The following PDE10A variants were observed in gnomAD, a reference collection of about 807,000 sequenced individuals.
PDE10A encodes the protein cAMP and cAMP-inhibited cGMP 3',5'-cyclic phosphodiesterase 10A.
PDE10A carries 39 observed loss-of-function variants against 97.7 expected under a neutral mutation model. That is an observed-to-expected ratio of 0.40 (90% CI 0.31 to 0.52). The LOEUF is 0.52. Among genes scored for constraint, PDE10A ranks in the 20% least tolerant of loss-of-function variants. PDE10A has a pLI of 0.56. For missense variants in PDE10A, 731 were observed against 1,047.8 expected (o/e 0.70, Z 4.17); for synonymous variants, 371 against 376.8 (o/e 0.98, Z 0.18).
At chr6:165,369,737 G>C (rs1161701237) in intron 18 of PDE10A, among the ~76,000 whole-genome samples, 1 of 142,040 alleles carries the variant, frequency 7.0e-6, no homozygotes, top group Non-Finnish European at 1.5e-5. Flanking sequence ...ACGCCACAAA[G>C]ATACTCCTCG....
chr6:165,406,433 T>C (rs921851469), intron 13 of PDE10A, among the ~76,000 whole-genome samples: 2 of 152,190 alleles, frequency 1.3e-5, no homozygotes, highest in Admixed American at 6.5e-5. Flanking sequence ...ACAAATTTAA[T>C]TTACATAATT....
At chr6:165,350,377 C>G (rs1782614394) in intron 18 of PDE10A, among the ~76,000 whole-genome samples, 1 of 152,076 alleles carries the variant, frequency 6.6e-6, no homozygotes, top group Admixed American at 6.5e-5. Context: ...TTTGTTTTGG[C>G]CAATTTCTCC....
At chr6:165,727,340 CAG>C (rs1792324813) in intron 1 of PDE10A, among the ~76,000 whole-genome samples, 2 of 152,332 alleles carry the variant, frequency 1.3e-5, no homozygotes, top group South Asian at 4.1e-4. Context: ...GTCCAGTGTG[CAG>C]AGTTTGTGAG....
At chr6:165,604,895 T>G (rs11751207) in intron 1 of PDE10A, among the ~76,000 whole-genome samples, 18,580 of 152,222 alleles carry the variant, frequency 0.12, 1,168 homozygotes, top group Non-Finnish European at 0.14. Flanking sequence ...TTTGAGTTTT[T>G]AAAGTGAATA....
intron 1 of PDE10A, among the ~76,000 whole-genome samples, chr6:165,905,509 G>GGAA (rs1782235985): frequency 6.6e-6 from 1 of 151,916 alleles, no homozygotes. Flanking sequence ...TCAATAGCAT[G>GGAA]GTTATACTTG....
intron 1 of PDE10A, among the ~76,000 whole-genome samples, chr6:165,852,807 A>T (rs1780608543): frequency 6.6e-6 from 1 of 152,284 alleles, no homozygotes; most frequent in Middle Eastern, 3.4e-3. Context: ...CTGATCTAAC[A>T]CATTTTTCTG....
Position 165,373,794 on chromosome 6 carries a change from C to T in PDE10A, c.2783+5400G>A, listed in dbSNP as rs200648223. ...GACACATGCACATGTATGTTTATTG[C>T]GGCACTATTCACTATAGCAAAGACT... On this transcript the variant is annotated intron_variant, in intron 18 of 21. Transcript: ENST00000539869. Among the ~76,000 whole-genome samples, 116 of 151,858 alleles carry T rather than the reference C, an allele frequency of 7.6e-4. 4 individuals are homozygous for T. The East Asian group carries it at 0.02, about 26-fold the overall frequency.
rs1034000444 is a variant in PDE10A at position 165,819,553 on chromosome 6, G to T, written c.-615+167976C>A. Among the ~76,000 whole-genome samples, 1 of 152,106 alleles carries T rather than the reference G, an allele frequency of 6.6e-6. No individual in the cohort carries two copies. The highest frequency in any genetic ancestry group is 2.4e-5 in the African/African-American group (1 of 41,416). On this transcript the variant is annotated intron_variant, in intron 1 of 19. Coordinates refer to the PDE10A transcript ENST00000366882. The surrounding 1 kb of genome is among the most constrained non-coding windows in gnomAD (Gnocchi z 4.2). Reference sequence around the variant, plus strand: ...ACCTCCGAAGAGTGGTCATTGATTTGTCCTTCAGGCCTCATCCACTGCCGC... The same window carrying T: ...ACCTCCGAAGAGTGGTCATTGATTTTTCCTTCAGGCCTCATCCACTGCCGC...
chr6:165,359,715 T>C (rs1214393367), intron 18 of PDE10A, among the ~76,000 whole-genome samples: 2 of 152,182 alleles, frequency 1.3e-5, no homozygotes, highest in Non-Finnish European at 2.9e-5. Flanking sequence ...GGGTCCTATT[T>C]TCCTGCTTCT....
intron 2 of PDE10A, among the ~76,000 whole-genome samples, chr6:165,486,869 T>C (rs1475790817): frequency 2.0e-5 from 3 of 152,206 alleles, no homozygotes; most frequent in Non-Finnish European, 4.4e-5. Context: ...ATAAAGCAGC[T>C]GCATTCAAAG....
intron 1 of PDE10A, among the ~76,000 whole-genome samples, chr6:165,930,080 GCA>G (rs1783082286): frequency 6.8e-6 from 1 of 147,174 alleles, no homozygotes; most frequent in African/African-American, 2.5e-5. Flanking sequence ...TAATGACCAG[GCA>G]CATATCACTC....
chr6:165,486,711 C>A (rs111909388), intron 2 of PDE10A, among the ~76,000 whole-genome samples: 2,072 of 152,236 alleles, frequency 0.014, 42 homozygotes, highest in African/African-American at 0.047. Flanking sequence ...CCAGAGATGT[C>A]TTTTAGAAAA....
At chr6:165,578,785 T>C (rs971244068) in intron 1 of PDE10A, among the ~76,000 whole-genome samples, 3 of 152,210 alleles carry the variant, frequency 2.0e-5, no homozygotes, top group African/African-American at 4.8e-5. Context: ...CATGCATCTA[T>C]TGCGCCTCTG....
chr6:165,567,993 C>CCTTTTTTTTTTT lies in PDE10A; in HGVS notation c.866-24426_866-24425insAAAAAAAAAAAG, dbSNP rs370865492. On this transcript the variant is annotated intron_variant, in intron 1 of 21. Transcript: ENST00000539869. The stretch of plus-strand genomic sequence containing the variant: ...AGCACACAATAGGTACGCAACAAGG[C>CCTTTTTTTTTTT]ATTTTTTTTTTTTTTTTTTTTTTGA... Among the ~76,000 whole-genome samples, 5 of 115,628 alleles carry CCTTTTTTTTTTT rather than the reference C, an allele frequency of 4.3e-5. 1 individual carries two copies. Among genetic ancestry groups the CCTTTTTTTTTTT allele is most frequent in the Non-Finnish European group, 6.9e-5 (4 of 58,384 alleles). The allele number at this position is 115,628 out of a possible 152,430, so 75.9% of individuals were successfully genotyped here.
rs188167997 is a variant in PDE10A, at chr6:165,871,457, G to C, written c.-615+116072C>G. Among the ~76,000 whole-genome samples the C allele has an allele frequency of 5.4e-4, 83 of 152,304 alleles. 2 individuals carry two copies. In the East Asian group the frequency reaches 0.011, roughly 21 times the overall value. ...TGACCTGGTGAGGTGAATGCAGGGG[G>C]ACAGGAGAGAGGATTGCATGGAGGG... On this transcript the variant is annotated intron_variant, in intron 1 of 19. Transcript: ENST00000366882.
chr6:165,883,920 C>T (rs1254971187), intron 1 of PDE10A, among the ~76,000 whole-genome samples: 1 of 152,214 alleles, frequency 6.6e-6, no homozygotes, highest in Non-Finnish European at 1.5e-5. Context: ...CTCAGGGACT[C>T]AGCTTGGTGG....
intron 1 of PDE10A, among the ~76,000 whole-genome samples, chr6:165,790,098 T>A (rs1413656731): frequency 6.6e-6 from 1 of 152,208 alleles, no homozygotes; most frequent in Non-Finnish European, 1.5e-5. Context: ...TATTACCACA[T>A]TGTTAAAATG....
At chr6:165,493,882 G>C (rs961891154) in intron 2 of PDE10A, among the ~76,000 whole-genome samples, 2 of 151,680 alleles carry the variant, frequency 1.3e-5, no homozygotes, top group Admixed American at 1.3e-4. Flanking sequence ...AGAATAAACA[G>C]ACAACACACA....
At chr6:165,822,859 C>T (rs560250284) in intron 1 of PDE10A, among the ~76,000 whole-genome samples, 14 of 151,520 alleles carry the variant, frequency 9.2e-5, no homozygotes, top group South Asian at 4.2e-4. Flanking sequence ...TTTTTTGAGA[C>T]GGAGTCTTGC....
Sources: allele counts gnomAD v4.1 joint callset (sites outside exome capture counted in the v4.1 genomes callset), GRCh38; gene constraint gnomAD v4.1.1; non-coding constraint Gnocchi (gnomAD v3.1); transcripts MANE v1.5; gene names NCBI Gene and HGNC (gene_info 2026-07-23, HGNC 2026-07-21).